Variants in TMEM131L observed in about 807,000 individuals in gnomAD.
The protein encoded by TMEM131L is transmembrane 131 like.
Under a neutral mutation model 192.2 loss-of-function variants are expected in TMEM131L, and 54 were observed. That is an observed-to-expected ratio of 0.28 (90% CI 0.23 to 0.35). The LOEUF (loss-of-function observed/expected upper bound fraction) is 0.35. Ranked by LOEUF, TMEM131L falls within the 10% of genes least tolerant of loss-of-function variation. The pLI is 1.00. For synonymous variants in TMEM131L, 701 were observed against 704.9 expected, an observed-to-expected ratio of 0.99 and a Z score of 0.09; for missense variants, 1,888 against 1,972.9, an observed-to-expected ratio of 0.96 and a Z score of 0.82.
At chr4:153,551,359 ATT>A (rs139166122) in intron 4 of TMEM131L, among the ~76,000 whole-genome samples, 64,507 of 145,846 alleles carry the variant, frequency 0.44, 17,357 homozygotes, top group African/African-American at 0.77. Flanking sequence ...TGAACTTGGA[ATT>A]TTTTTTTTTT....
intron 18 of TMEM131L, among the ~76,000 whole-genome samples, chr4:153,593,432 G>A (rs1731209250): frequency 6.6e-6 from 1 of 152,130 alleles, no homozygotes; most frequent in Non-Finnish European, 1.5e-5. Flanking sequence ...TCCAGACGTA[G>A]CCCAGTGTTT....
chr4:153,490,179 TACTTA>T (rs1732662871), intron 3 of TMEM131L, among the ~76,000 whole-genome samples: 1 of 152,224 alleles, frequency 6.6e-6, no homozygotes, highest in Non-Finnish European at 1.5e-5. Context: ...TGAATTGAAA[TACTTA>T]ACAGGTCTAC....
chr4:153,501,374 G>A (rs1240479649), intron 3 of TMEM131L, among the ~76,000 whole-genome samples: 1 of 151,934 alleles, frequency 6.6e-6, no homozygotes, highest in East Asian at 1.9e-4. Context: ...CTAATTTTTT[G>A]TATTTTTAGG....
intron 29 of TMEM131L, among the ~76,000 whole-genome samples, chr4:153,625,920 A>C (rs953356637): frequency 1.3e-5 from 2 of 152,182 alleles, no homozygotes; most frequent in Admixed American, 6.5e-5. Flanking sequence ...AAAAAACAAA[A>C]CAACAACAAC....
At chr4:153,505,620 G>C (rs1733934857) in intron 3 of TMEM131L, among the ~76,000 whole-genome samples, 1 of 152,186 alleles carries the variant, frequency 6.6e-6, no homozygotes, top group African/African-American at 2.4e-5. Context: ...GTAGGTCATG[G>C]TTCCTGGTAT....
rs369095167 is a variant in TMEM131L at position 153,588,900 on chromosome 4, T to C, written c.1563T>C (p.Asn521=). Residue 521 remains asparagine (N), a synonymous_variant, in exon 16 of 35, where the codon AAT becomes AAC. Transcript: ENST00000409959. ...FMGKSKAGNP[N]WNGSLSLDQS... Reference sequence around the variant, plus strand: ...TGATCTAACTTTTAGGAAATCCTAATTGGAATGGGAGCCTTTCTCTGGATC... The same window carrying C: ...TGATCTAACTTTTAGGAAATCCTAACTGGAATGGGAGCCTTTCTCTGGATC... The C allele has an allele frequency of 3.2e-6, 5 of 1,564,618 alleles. No homozygotes were observed. Among genetic ancestry groups the C allele is most frequent in the East Asian group, 4.5e-5 (2 of 44,646 alleles).
intron 3 of TMEM131L, among the ~76,000 whole-genome samples, chr4:153,523,559 A>T (rs1735265476): frequency 6.6e-6 from 1 of 152,222 alleles, no homozygotes; most frequent in Non-Finnish European, 1.5e-5. Context: ...AGGAAGAAGA[A>T]TTGAGGCTTT....
chr4:153,524,499 T>C (rs1004121916), intron 3 of TMEM131L, among the ~76,000 whole-genome samples: 31 of 152,388 alleles, frequency 2.0e-4, no homozygotes, highest in South Asian at 1.0e-3. Flanking sequence ...GGGAGAGTTA[T>C]ATTTTTATGA....
chr4:153,628,334 TTC>T (rs1733990061), intron 31 of TMEM131L, among the ~76,000 whole-genome samples: 1 of 152,260 alleles, frequency 6.6e-6, no homozygotes, highest in Admixed American at 6.5e-5. Flanking sequence ...CTCATTTTTC[TTC>T]TCTTTTCCTC....
chr4:153,617,000 G>A (rs1043230617), intron 26 of TMEM131L, among the ~76,000 whole-genome samples: 14 of 152,176 alleles, frequency 9.2e-5, no homozygotes, highest in African/African-American at 1.7e-4. Context: ...AAAATAGAAT[G>A]AAAGGGTATT....
chr4:153,622,767 T>C (rs1475515747), intron 28 of TMEM131L, 131 bp from the exon 29 acceptor site: 1 of 833,802 alleles, frequency 1.2e-6, no homozygotes, highest in South Asian at 1.6e-5. Context: ...ACTCCTCCTT[T>C]CTTGCTAGAT....
At chr4:153,584,659 C>G (rs1730582418) in intron 11 of TMEM131L, among the ~76,000 whole-genome samples, 176 bp from the exon 12 acceptor site, 1 of 152,152 alleles carries the variant, frequency 6.6e-6, no homozygotes, top group Non-Finnish European at 1.5e-5. Flanking sequence ...GGATAATTGG[C>G]AACAAAGAAG....
At chr4:153,477,628 T>C (rs1164496720) in intron 3 of TMEM131L, among the ~76,000 whole-genome samples, 2 of 152,224 alleles carry the variant, frequency 1.3e-5, no homozygotes, top group Non-Finnish European at 2.9e-5. Context: ...CATGCCTGTG[T>C]ACTTGCAAGC....
Position 153,612,241 on chromosome 4 carries a change from G to A in TMEM131L, c.3419-11G>A. 5.3e-6 allele frequency: 8 copies of A among 1,515,122 alleles called. No homozygotes were observed. The highest frequency in any genetic ancestry group is 7.0e-6 in the Non-Finnish European group (8 of 1,136,092). 93.9% of individuals were successfully genotyped at this position (1,515,122 alleles called of 1,614,324 possible). A position where few individuals can be genotyped will look rare whatever the true frequency, so the allele number is the denominator to read the frequency against. ...ATTAGCTAGAAATTGAATTGTTTTT[G>A]TTTATTAAAGGGAATAACCAGCAAG... On this transcript the variant is annotated splice_polypyrimidine_tract_variant and intron_variant, in intron 25 of 34. Coordinates refer to ENST00000409959, the MANE Select transcript of TMEM131L (RefSeq NM_001131007.2).
At chr4:153,545,348 C>T (rs986588256) in intron 3 of TMEM131L, among the ~76,000 whole-genome samples, 8 of 147,610 alleles carry the variant, frequency 5.4e-5, no homozygotes, top group Non-Finnish European at 1.2e-4. Flanking sequence ...AGTGCAGTGG[C>T]GCGATCCCGA....
intron 7 of TMEM131L, among the ~76,000 whole-genome samples, chr4:153,576,252 GC>G (rs1729932680): frequency 6.6e-6 from 1 of 152,066 alleles, no homozygotes; most frequent in South Asian, 2.1e-4. Context: ...TGGCCACCGC[GC>G]CCGGCCCAAT....
intron 11 of TMEM131L, among the ~76,000 whole-genome samples, chr4:153,583,873 G>A (rs957704900): frequency 6.6e-6 from 1 of 152,174 alleles, no homozygotes; most frequent in African/African-American, 2.4e-5. Flanking sequence ...TGCCACATAT[G>A]TAGAATTTTG....
intron 2 of TMEM131L, among the ~76,000 whole-genome samples, chr4:153,468,016 T>G (rs545716751): frequency 1.4e-4 from 22 of 152,252 alleles, no homozygotes; most frequent in African/African-American, 5.1e-4. Context: ...CCAAAATGCA[T>G]TTTTTGGGTG....
At position 153,604,283 on chromosome 4, in the gene TMEM131L, A is replaced by G. The variant is rs757316094; in HGVS notation, c.3271A>G (p.Ile1091Val). The G allele has an allele frequency of 1.9e-6, 3 of 1,614,202 alleles. No homozygotes were observed. Among genetic ancestry groups the G allele is most frequent in the East Asian group, 2.2e-5 (1 of 44,882 alleles). Residue 1091 changes from isoleucine to valine, a missense_variant, in exon 25 of 35, where the codon ATT becomes GTT. By Grantham distance (29) the Ile-to-Val change is conservative. Coordinates refer to ENST00000409959, the MANE Select transcript of TMEM131L (RefSeq NM_001131007.2). ...QTCMFPKETD[I>V]KTSENTAEFK... ...ATGTATGTTTCCTAAGGAAACTGAC[A>G]TTAAAACTTCAGAGAACACAGCCGA...
Sources: gnomAD v4.1 joint callset for allele counts (sites outside exome capture counted in the v4.1 genomes callset) on GRCh38, gnomAD v4.1.1 for gene constraint, MANE v1.5 for transcripts, NCBI Gene and HGNC (gene_info 2026-07-23, HGNC 2026-07-21) for gene names.